The following BMPR2 variants were observed in gnomAD, a reference collection of about 807,000 sequenced individuals.
The protein encoded by BMPR2 is bone morphogenetic protein receptor type-2.
Under a neutral mutation model 100.8 loss-of-function variants are expected in BMPR2, and 29 were observed. That is an observed-to-expected ratio of 0.29 (90% CI 0.21 to 0.39). The LOEUF (loss-of-function observed/expected upper bound fraction) is 0.39. Among genes scored for constraint, BMPR2 ranks in the 10% least tolerant of loss-of-function variants. The probability of loss-of-function intolerance (pLI) is 1.00; values close to 1 mark genes in which losing one functional copy is unlikely to be tolerated. For missense variants in BMPR2, 1,011 were observed against 1,274.5 expected, an observed-to-expected ratio of 0.79 and a Z score of 3.15; for synonymous variants, 382 against 442.3, an observed-to-expected ratio of 0.86 and a Z score of 1.71.
intron 3 of BMPR2, among the ~76,000 whole-genome samples, chr2:202,489,869 G>A (rs1286393820): frequency 6.6e-6 from 1 of 152,194 alleles, no homozygotes; most frequent in Admixed American, 6.5e-5. Context: ...TCAGTCAGCT[G>A]TTGCTGATAA....
intron 1 of BMPR2, among the ~76,000 whole-genome samples, chr2:202,380,295 C>G (rs574307337): frequency 6.6e-6 from 1 of 152,046 alleles, no homozygotes; most frequent in Admixed American, 6.6e-5. Flanking sequence ...TAAAGGTCAA[C>G]TTCTGTAATG....
At chr2:202,439,998 G>A (rs926236984) in intron 1 of BMPR2, among the ~76,000 whole-genome samples, 4 of 150,288 alleles carry the variant, frequency 2.7e-5, no homozygotes, top group Non-Finnish European at 5.9e-5. Context: ...TTAACCCTGA[G>A]TGGACACAGC....
chr2:202,555,067 C>T (rs1488122940), intron 11 of BMPR2, among the ~76,000 whole-genome samples, 185 bp from the exon 12 acceptor site: 1 of 152,108 alleles, frequency 6.6e-6, no homozygotes, highest in Non-Finnish European at 1.5e-5. Flanking sequence ...TCACATAAAA[C>T]TAACACTTAT....
At chr2:202,460,360 T>G (rs1692202536) in intron 1 of BMPR2, among the ~76,000 whole-genome samples, 1 of 151,474 alleles carries the variant, frequency 6.6e-6, no homozygotes, top group Admixed American at 6.6e-5. Flanking sequence ...CATCTGAAAA[T>G]TACTTGAAAT....
intron 3 of BMPR2, among the ~76,000 whole-genome samples, chr2:202,511,490 GT>G (rs1687623156): frequency 3.9e-5 from 6 of 152,080 alleles, no homozygotes; most frequent in Non-Finnish European, 7.4e-5. Context: ...CTCACAAACT[GT>G]TTTCTACTGT....
chr2:202,475,492 ATT>A (rs1037182331), intron 3 of BMPR2, among the ~76,000 whole-genome samples: 15 of 152,176 alleles, frequency 9.9e-5, no homozygotes, highest in African/African-American at 3.6e-4. Flanking sequence ...TTAGGAAAAT[ATT>A]AATTCTTTAA....
Position 202,562,433 on chromosome 2 carries a change from A to G in BMPR2, c.*2487A>G, listed in dbSNP as rs1356082790. 1 of 152,634 alleles carries G rather than the reference A, an allele frequency of 6.6e-6. No individual in the cohort carries two copies. The highest frequency in any genetic ancestry group is 2.4e-5 in the African/African-American group (1 of 41,462). The allele number at this position is 152,634 out of a possible 1,614,324, so 9.5% of individuals were successfully genotyped here. On this transcript the variant is annotated 3_prime_UTR_variant, in exon 13 of 13. Coordinates refer to ENST00000374580, the MANE Select transcript of BMPR2 (RefSeq NM_001204.7). ...TCCTGAAAAAGTAGGAAAGGTGGAA[A>G]GTATATATCATTTTTATAAATTTTA...
At position 202,567,447 on chromosome 2, in the gene BMPR2, TG is replaced by T; in HGVS notation, c.*7502del. On this transcript the variant is annotated 3_prime_UTR_variant, in exon 13 of 13. Coordinates refer to ENST00000374580, the MANE Select transcript of BMPR2 (RefSeq NM_001204.7). ...TCAGTTATTTTGCTTTTGTATAAGC[TG>T]TCTGAAGCCTTGCTATGCTGTATAA... The T allele has an allele frequency of 6.5e-6, 1 of 152,680 alleles. No homozygotes were observed. The allele number at this position is 152,680 out of a possible 1,614,324, so 9.5% of individuals were successfully genotyped here. A position where few individuals can be genotyped will look rare whatever the true frequency, so the allele number is the denominator to read the frequency against.
intron 1 of BMPR2, among the ~76,000 whole-genome samples, chr2:202,421,022 G>A (rs1379202255): frequency 1.3e-5 from 2 of 151,612 alleles, no homozygotes; most frequent in African/African-American, 4.8e-5. Context: ...GGCCGAGGCG[G>A]GTGGATCACT....
At chr2:202,459,694 CAA>C (rs1442316916) in intron 1 of BMPR2, among the ~76,000 whole-genome samples, 1 of 152,066 alleles carries the variant, frequency 6.6e-6, no homozygotes, top group Non-Finnish European at 1.5e-5. Context: ...TAGGAACAGG[CAA>C]AGTTTTCATG....
rs556184961 is a variant in BMPR2 at position 202,384,979 on chromosome 2, G to A, written c.76+7429G>A. 9.1e-4 allele frequency among the ~76,000 whole-genome samples: 139 copies of A among 152,236 alleles called. 1 individual carries two copies. Among genetic ancestry groups the A allele is most frequent in the African/African-American group, 3.2e-3 (131 of 41,518 alleles). On this transcript the variant is annotated intron_variant, in intron 1 of 12. Transcript: ENST00000374580. ...TGCCCTTATAATTGGTGTCAAAAAT[G>A]TACATGATCATGTACTTTCATTCTG...
intron 9 of BMPR2, among the ~76,000 whole-genome samples, chr2:202,534,918 C>A (rs1688104934): frequency 6.8e-6 from 1 of 147,104 alleles, no homozygotes; most frequent in Non-Finnish European, 1.5e-5. Context: ...CCCCCACCTC[C>A]CTCCCGGACG....
intron 1 of BMPR2, among the ~76,000 whole-genome samples, chr2:202,411,984 A>T (rs903401625): frequency 6.6e-6 from 1 of 152,148 alleles, no homozygotes; most frequent in Non-Finnish European, 1.5e-5. Context: ...TTCAAATGAG[A>T]TCTTATATTG....
intron 3 of BMPR2, among the ~76,000 whole-genome samples, chr2:202,509,001 G>A (rs1687577682): frequency 6.6e-6 from 1 of 152,112 alleles, no homozygotes; most frequent in African/African-American, 2.4e-5. Flanking sequence ...ATATTCAGAA[G>A]AATCTAACTC....
chr2:202,535,179 G>T (rs1574496195), intron 9 of BMPR2, among the ~76,000 whole-genome samples: 1 of 147,510 alleles, frequency 6.8e-6, no homozygotes, highest in Non-Finnish European at 1.5e-5. Context: ...GCCTGGCGGG[G>T]GGCTGACCCC....
chr2:202,493,765 CG>C (rs1467989502), intron 3 of BMPR2, among the ~76,000 whole-genome samples: 1 of 151,956 alleles, frequency 6.6e-6, no homozygotes, highest in Non-Finnish European at 1.5e-5. Flanking sequence ...AACCTTTTGG[CG>C]GGGGTGGAAT....
At chr2:202,393,882 C>CGAGCGA (rs1690602389) in intron 1 of BMPR2, among the ~76,000 whole-genome samples, 1 of 97,870 alleles carries the variant, frequency 1.0e-5, no homozygotes, top group Non-Finnish European at 2.1e-5. Context: ...AATGAGAGAG[C>CGAGCGA]GAGAGAGAGA....
intron 1 of BMPR2, among the ~76,000 whole-genome samples, chr2:202,378,385 G>A (rs1387388874): frequency 6.6e-6 from 1 of 152,126 alleles, no homozygotes; most frequent in Non-Finnish European, 1.5e-5. Flanking sequence ...ATTTTCAGGA[G>A]TGAATTCTAC....
At chr2:202,392,986 C>T (rs1690580853) in intron 1 of BMPR2, among the ~76,000 whole-genome samples, 2 of 123,036 alleles carry the variant, frequency 1.6e-5, no homozygotes, top group Non-Finnish European at 3.3e-5. Context: ...AGCGAAACTC[C>T]GTCTCAAAAA....
Sources: allele counts gnomAD v4.1 joint callset (sites outside exome capture counted in the v4.1 genomes callset), GRCh38; gene constraint gnomAD v4.1.1; transcripts MANE v1.5; gene names NCBI Gene and HGNC (gene_info 2026-07-23, HGNC 2026-07-21).